Variants in CDH18 observed in about 807,000 individuals in gnomAD.
The protein encoded by CDH18 is cadherin-18.
In CDH18, 31 loss-of-function variants were observed where a neutral mutation model predicts 67.9. The observed-to-expected ratio is 0.46, with a 90% CI of 0.34 to 0.62. The LOEUF is 0.62. CDH18 is among the 20% of genes least tolerant of loss of function. The pLI is 0.01. For missense variants in CDH18, 890 were observed against 975.5 expected (o/e 0.91, Z 1.17); for synonymous variants, 362 against 347.2 (o/e 1.04, Z -0.48).
chr5:19,924,719 G>A (rs1032968037), intron 2 of CDH18, among the ~76,000 whole-genome samples: 2 of 152,166 alleles, frequency 1.3e-5, no homozygotes, highest in African/African-American at 4.8e-5. Flanking sequence ...TAAAACACCA[G>A]TGAATTCTAT....
At chr5:19,501,479 G>A (rs1422283470) in intron 11 of CDH18, among the ~76,000 whole-genome samples, 1 of 145,570 alleles carries the variant, frequency 6.9e-6, no homozygotes, top group African/African-American at 2.5e-5. Flanking sequence ...AAACTAGCCA[G>A]GCATGGTACG....
chr5:20,372,766 T>C (rs755745682), intron 1 of CDH18, among the ~76,000 whole-genome samples: 16 of 152,202 alleles, frequency 1.1e-4, no homozygotes, highest in Admixed American at 1.0e-3. Flanking sequence ...GTTTTCCTCA[T>C]ATTGGATGAT....
At chr5:20,379,612 A>G (rs1180992991) in intron 1 of CDH18, among the ~76,000 whole-genome samples, 1 of 152,156 alleles carries the variant, frequency 6.6e-6, no homozygotes. Flanking sequence ...AAATAAAAAC[A>G]TGATGAATGA....
At chr5:19,994,333 T>TATACATA (rs1800161860) in intron 2 of CDH18, among the ~76,000 whole-genome samples, 5 of 137,420 alleles carry the variant, frequency 3.6e-5, no homozygotes, top group South Asian at 2.2e-4. Flanking sequence ...ATACATATAT[T>TATACATA]TATACACCTC....
intron 2 of CDH18, among the ~76,000 whole-genome samples, chr5:20,186,294 A>G (rs577397374): frequency 1.3e-5 from 2 of 151,994 alleles, no homozygotes; most frequent in African/African-American, 4.8e-5. Context: ...TAAAGAAGTT[A>G]GAATTTATCA....
chr5:20,324,434 G>A (rs567090105), intron 1 of CDH18, among the ~76,000 whole-genome samples: 32 of 152,162 alleles, frequency 2.1e-4, no homozygotes, highest in African/African-American at 6.5e-4. Flanking sequence ...CCAGCTACTC[G>A]GGAAGCTGAG....
In CDH18 at chr5:19,513,337, A is replaced by T. The variant is rs189154802; in HGVS notation, c.1512+7320T>A. Among the ~76,000 whole-genome samples the T allele has an allele frequency of 2.0e-5, 3 of 152,246 alleles. No individual in the cohort carries two copies. In the East Asian group the frequency reaches 5.8e-4, roughly 29 times the overall value. On this transcript the variant is annotated intron_variant, in intron 10 of 12. Coordinates refer to ENST00000382275, the MANE Select transcript of CDH18 (RefSeq NM_004934.5). ...CTAAAAATATATGCATTATGTCTAAACTTTCAAATTTTAGTAAAAGACGAC... is the reference window on the plus strand; with the variant it reads ...CTAAAAATATATGCATTATGTCTAATCTTTCAAATTTTAGTAAAAGACGAC...
chr5:20,231,102 C>T (rs966441255), intron 2 of CDH18, among the ~76,000 whole-genome samples: 9 of 152,098 alleles, frequency 5.9e-5, no homozygotes, highest in South Asian at 4.1e-4. Flanking sequence ...TGCTACTATA[C>T]GTTGAAATCT....
At chr5:19,757,639 T>C (rs573950623) in intron 3 of CDH18, among the ~76,000 whole-genome samples, 5 of 152,220 alleles carry the variant, frequency 3.3e-5, no homozygotes, top group Non-Finnish European at 5.9e-5. Flanking sequence ...AGCACTCTCA[T>C]GGAGTACAAA....
At chr5:20,361,826 T>C in intron 1 of CDH18, among the ~76,000 whole-genome samples, 1 of 152,150 alleles carries the variant, frequency 6.6e-6, no homozygotes, top group East Asian at 1.9e-4. Flanking sequence ...TCCACTGTTT[T>C]CAAACTATTT....
intron 1 of CDH18, among the ~76,000 whole-genome samples, chr5:20,534,637 T>G (rs972846350): frequency 6.6e-6 from 1 of 152,028 alleles, no homozygotes; most frequent in African/African-American, 2.4e-5. Flanking sequence ...GATCTATCCT[T>G]TATTAAATTT....
intron 1 of CDH18, among the ~76,000 whole-genome samples, chr5:20,324,407 G>T (rs890518741): frequency 6.6e-6 from 1 of 152,188 alleles, no homozygotes; most frequent in Non-Finnish European, 1.5e-5. Context: ...CAGGCATGGT[G>T]GCGGGTGCCT....
chr5:19,501,028 G>A (rs891774646), intron 11 of CDH18, among the ~76,000 whole-genome samples: 13 of 151,780 alleles, frequency 8.6e-5, no homozygotes, highest in Non-Finnish European at 1.9e-4. Flanking sequence ...AGCTGCTTGG[G>A]AAGCCAAGGA....
At chr5:20,441,464 GAACTACACAGAGCAAAA>G (rs1412965362) in intron 1 of CDH18, among the ~76,000 whole-genome samples, 2 of 150,706 alleles carry the variant, frequency 1.3e-5, no homozygotes, top group South Asian at 2.1e-4. Context: ...GAAGGCATTA[GAACTACACAGAGCAAAA>G]AACTACACAG....
chr5:19,530,055 A>G (rs1748347914), intron 9 of CDH18, among the ~76,000 whole-genome samples: 1 of 152,182 alleles, frequency 6.6e-6, no homozygotes, highest in Non-Finnish European at 1.5e-5. Context: ...TTATAAAACT[A>G]TAGCAATCAT....
intron 3 of CDH18, among the ~76,000 whole-genome samples, chr5:19,806,077 C>T (rs1581430811): frequency 6.6e-6 from 1 of 152,334 alleles, no homozygotes; most frequent in East Asian, 1.9e-4. Flanking sequence ...TTGAATGTGA[C>T]ACATTTAACC....
intron 10 of CDH18, among the ~76,000 whole-genome samples, chr5:19,519,508 T>C (rs1746560467): frequency 1.3e-5 from 2 of 152,192 alleles, no homozygotes; most frequent in Non-Finnish European, 2.9e-5. Context: ...ACTTCTGGAT[T>C]CATCCACAGC....
At chr5:19,647,555 A>AAAAAG (rs1754955169) in intron 5 of CDH18, among the ~76,000 whole-genome samples, 1 of 147,170 alleles carries the variant, frequency 6.8e-6, no homozygotes, top group Non-Finnish European at 1.5e-5. Flanking sequence ...AAAAAAAAAA[A>AAAAAG]AAAAGATGCC....
At chr5:19,673,189 T>C (rs1282051789) in intron 5 of CDH18, among the ~76,000 whole-genome samples, 1 of 152,064 alleles carries the variant, frequency 6.6e-6, no homozygotes, top group African/African-American at 2.4e-5. Context: ...TTGAGAAACT[T>C]ATTAGACTGC....
Sources: allele counts gnomAD v4.1 joint callset (sites outside exome capture counted in the v4.1 genomes callset), GRCh38; gene constraint gnomAD v4.1.1; transcripts MANE v1.5; gene names NCBI Gene and HGNC (gene_info 2026-07-23, HGNC 2026-07-21).